FNBP4: variants seen among roughly 807,000 people sequenced by gnomAD.
FNBP4 encodes the protein formin-binding protein 4.
In FNBP4, 34 loss-of-function variants were observed where a neutral mutation model predicts 119.3. That is an observed-to-expected ratio of 0.28 (90% CI 0.22 to 0.38). The LOEUF (loss-of-function observed/expected upper bound fraction) is 0.38, where lower values mean the gene tolerates loss of function less well. FNBP4 is among the 10% of genes least tolerant of loss of function. The probability of loss-of-function intolerance (pLI) is 1.00; values close to 1 mark genes in which losing one functional copy is unlikely to be tolerated. For missense variants in FNBP4, 1,112 were observed against 1,228.9 expected (o/e 0.90, Z 1.42); for synonymous variants, 462 against 430.6 (o/e 1.07, Z -0.90).
Position 47,751,253 on chromosome 11 carries a change from A to C in FNBP4, c.675T>G (p.Asp225Glu), listed in dbSNP as rs1217781025. ...AATAATAATAACATCCCGTGTTCTC[A>C]TCCCAGACTTCCTGCCAATCGCCCA... ...IEMGDWQEVWDENTGCYYYWN... is the reference protein window; with the variant it reads ...IEMGDWQEVWEENTGCYYYWN... Residue 225 changes from aspartate (D) to glutamate (E), a missense_variant, in exon 5 of 17, where the codon GAT (aspartate) becomes GAG (glutamate). Coordinates refer to ENST00000263773, the MANE Select transcript of FNBP4 (RefSeq NM_015308.5). 2.5e-6 allele frequency: 4 copies of C among 1,613,952 alleles called. No homozygotes were observed. Among genetic ancestry groups the C allele is most frequent in the Non-Finnish European group, 3.4e-6 (4 of 1,180,006 alleles).
At chr11:47,720,825 A>T (rs1187755485) in intron 15 of FNBP4, among the ~76,000 whole-genome samples, 1 of 150,982 alleles carries the variant, frequency 6.6e-6, no homozygotes, top group Non-Finnish European at 1.5e-5. Flanking sequence ...GCAAACTGCC[A>T]TATTAGCCGG....
intron 15 of FNBP4, among the ~76,000 whole-genome samples, chr11:47,720,427 A>G (rs2869535): frequency 0.94 from 142,237 of 151,936 alleles, 67,318 homozygotes; most frequent in East Asian, 1. Flanking sequence ...AATTAGCCAG[A>G]CGTGGTGGCG....
At chr11:47,741,778 G>A (rs140951565) in intron 8 of FNBP4, among the ~76,000 whole-genome samples, 5,063 of 151,696 alleles carry the variant, frequency 0.033, 283 homozygotes, top group African/African-American at 0.12. Flanking sequence ...ATCATCCACT[G>A]CACTCCAGCC....
rs1198539046 is a variant in FNBP4 at position 47,722,990 on chromosome 11, C to CT, written c.2790dup (p.Gly931ArgfsTer10). 2.6e-6 allele frequency: 4 copies of CT among 1,533,712 alleles called. No individual in the cohort carries two copies. The highest frequency in any genetic ancestry group is 2.4e-5 in the East Asian group (1 of 40,974). On this transcript the variant is annotated frameshift_variant, in exon 15 of 17. Coordinates refer to ENST00000263773, the MANE Select transcript of FNBP4 (RefSeq NM_015308.5). LOFTEE classifies it high-confidence loss of function. Reference sequence around the variant, plus strand: ...ATTTATTATACCTTGTCTTTCCTTCCTTTTTTTGTCTTTTCAGGTGGTGGC... The same window carrying CT: ...ATTTATTATACCTTGTCTTTCCTTCCTTTTTTTTGTCTTTTCAGGTGGTGGC...
At position 47,732,519 on chromosome 11, in the gene FNBP4, G is replaced by C. The variant is rs768205576; in HGVS notation, c.1820+18C>G. 1 of 1,613,986 alleles carries C rather than the reference G, an allele frequency of 6.2e-7. No individual in the cohort carries two copies. Among genetic ancestry groups the C allele is most frequent in the Admixed American group, 1.7e-5 (1 of 59,986 alleles). ...AGATGTCAAAGGTGAAAGGTGAAAA[G>C]GGGAGAAGAGTGCGTACCTGTCCCA... On this transcript the variant is annotated intron_variant, in intron 11 of 16. Coordinates refer to ENST00000263773, the MANE Select transcript of FNBP4 (RefSeq NM_015308.5). This position sits in a 1 kb window ranked among gnomAD's most constrained non-coding sequence, Gnocchi z 4.2.
intron 7 of FNBP4, among the ~76,000 whole-genome samples, 185 bp from the exon 8 acceptor site, chr11:47,744,348 G>A (rs1014998075): frequency 1.3e-5 from 2 of 151,548 alleles, no homozygotes; most frequent in Non-Finnish European, 1.5e-5. Context: ...ATCATGGCTC[G>A]CTGTAGCTAC....
rs192618591 is a variant in FNBP4, at chr11:47,750,867, C to T, written c.906+49G>A. 8.9e-5 allele frequency: 142 copies of T among 1,599,700 alleles called. 1 individual carries two copies. In the African/African-American group the frequency reaches 1.4e-3, roughly 15 times the overall value. On this transcript the variant is annotated intron_variant, in intron 6 of 16. Coordinates refer to ENST00000263773, the MANE Select transcript of FNBP4 (RefSeq NM_015308.5). ...GCTTCCACTCCTGTGCTCAGAGTAA[C>T]GCTTATTAGATCTGAAAATAAACAA...
intron 2 of FNBP4, among the ~76,000 whole-genome samples, chr11:47,758,873 GA>G (rs1425135357): frequency 1.3e-5 from 2 of 151,536 alleles, no homozygotes; most frequent in African/African-American, 4.8e-5. Flanking sequence ...AAGCGGGGGG[GA>G]AAAGAGAGAG....
intron 4 of FNBP4, 36 bp downstream of exon 4, chr11:47,752,880 T>C: frequency 6.4e-7 from 1 of 1,558,724 alleles, no homozygotes; most frequent in East Asian, 2.3e-5. Context: ...CTTTAAGGAT[T>C]TTACTTTTCT....
chr11:47,746,004 G>C, intron 7 of FNBP4, 52 bp downstream of exon 7: 3 of 1,409,348 alleles, frequency 2.1e-6, no homozygotes, highest in Non-Finnish European at 2.9e-6. Flanking sequence ...AATGATCCCT[G>C]TAGAGTAGTA....
intron 8 of FNBP4, among the ~76,000 whole-genome samples, chr11:47,737,021 C>T (rs559960724): frequency 6.6e-6 from 1 of 152,102 alleles, no homozygotes; most frequent in Non-Finnish European, 1.5e-5. Context: ...TTGGCTAACA[C>T]AGTAGAACCG....
chr11:47,736,641 T>G lies in FNBP4; in HGVS notation c.1556A>C (p.Lys519Thr), dbSNP rs779805448. The G allele has an allele frequency of 1.3e-6, 2 of 1,599,402 alleles. No homozygotes were observed. The highest frequency in any genetic ancestry group is 3.4e-5 in the Admixed American group (2 of 59,100). Reference sequence around the variant, plus strand: ...TTTCAAATCCTGTTCTTCTTCTACTTTTGGTGTTGTCTGTACTTTTATTTT... The same window carrying G: ...TTTCAAATCCTGTTCTTCTTCTACTGTTGGTGTTGTCTGTACTTTTATTTT... ...PEKIKVQTTP[K>T]VEEEQDLKFQ... is the part of the protein sequence containing the mutation. Residue 519 changes from lysine to threonine, a missense_variant, in exon 9 of 17, where the codon AAA becomes ACA. Around this residue, in one of 2 missense-constraint regions of FNBP4, gnomAD observed 826 missense variants for 988.8 expected, o/e 0.84. Coordinates refer to ENST00000263773, the MANE Select transcript of FNBP4 (RefSeq NM_015308.5).
intron 6 of FNBP4, among the ~76,000 whole-genome samples, chr11:47,748,181 G>A (rs7932752): frequency 1.3e-5 from 2 of 151,944 alleles, no homozygotes; most frequent in Non-Finnish European, 2.9e-5. Context: ...GGAGGTTGCA[G>A]TGAGCAGAGA....
chr11:47,763,088 C>T (rs183103968), intron 2 of FNBP4, among the ~76,000 whole-genome samples: 1 of 152,082 alleles, frequency 6.6e-6, no homozygotes, highest in East Asian at 2.0e-4. Flanking sequence ...GCCTGTAATC[C>T]CAGCACTTTG....
intron 8 of FNBP4, among the ~76,000 whole-genome samples, chr11:47,738,600 A>T (rs1331929603): frequency 6.6e-6 from 1 of 152,130 alleles, no homozygotes; most frequent in East Asian, 1.9e-4. Flanking sequence ...AGCCAAAAAT[A>T]CCTCAAATGT....
chr11:47,750,381 CAAA>C (rs59583797), intron 6 of FNBP4, among the ~76,000 whole-genome samples: 2 of 24,752 alleles, frequency 8.1e-5, no homozygotes, highest in Admixed American at 8.5e-4. Context: ...GACTCCATAT[CAAA>C]AAAAAAAAAA....
chr11:47,718,643 A>G (rs1471077161), intron 16 of FNBP4, among the ~76,000 whole-genome samples: 1 of 152,228 alleles, frequency 6.6e-6, no homozygotes, highest in African/African-American at 2.4e-5. Flanking sequence ...CCTATCAGAG[A>G]TTAATTTGAA....
At position 47,746,205 on chromosome 11, in the gene FNBP4, T is replaced by C. The variant is rs1412438325; in HGVS notation, c.1096A>G (p.Thr366Ala). 6 of 1,614,084 alleles carry C rather than the reference T, an allele frequency of 3.7e-6. No individual in the cohort carries two copies. The highest frequency in any genetic ancestry group is 5.1e-6 in the Non-Finnish European group (6 of 1,180,048). ...ATTTCCTGTGGCTTTACTATTGTTG[T>C]TGCTTCTTCTACTGTTGTACTTGTT... ...KETSTTVEEATTIVKPQEIML... is the reference protein window; with the variant it reads ...KETSTTVEEAATIVKPQEIML... The change falls in exon 7 of 17, where the codon ACA (threonine) becomes GCA (alanine). Residue 366 changes from threonine (T) to alanine (A), a missense_variant. Physicochemically the swap from Thr to Ala is moderately conservative, Grantham distance 58 (BLOSUM62 0). This residue lies in a region of FNBP4 where 826 missense variants were observed against 988.8 expected (regional missense o/e 0.84). Coordinates refer to ENST00000263773, the MANE Select transcript of FNBP4 (RefSeq NM_015308.5).
intron 7 of FNBP4, 116 bp from the exon 8 acceptor site, chr11:47,744,279 T>C: frequency 8.5e-6 from 3 of 354,528 alleles, no homozygotes; most frequent in Non-Finnish European, 1.3e-5. Context: ...CAGAAAGCAC[T>C]TTTTTTTTTT....
Sources: allele counts gnomAD v4.1 joint callset (sites outside exome capture counted in the v4.1 genomes callset), GRCh38; gene constraint gnomAD v4.1.1; regional missense constraint gnomAD v4.1.1; non-coding constraint Gnocchi (gnomAD v3.1); transcripts MANE v1.5; gene names NCBI Gene and HGNC (gene_info 2026-07-23, HGNC 2026-07-21).